Variants in NBEA observed in about 807,000 individuals in gnomAD.
The protein encoded by NBEA is lysosomal-trafficking regulator 2.
Under a neutral mutation model 343.4 loss-of-function variants are expected in NBEA, and 44 were observed. The observed-to-expected ratio is 0.13, with a 90% CI of 0.10 to 0.16. NBEA has a LOEUF of 0.16. Among genes scored for constraint, NBEA ranks in the 10% least tolerant of loss-of-function variants. The probability of loss-of-function intolerance (pLI) is 1.00; values close to 1 mark genes in which losing one functional copy is unlikely to be tolerated. For missense variants in NBEA, 2,555 were observed against 3,631.3 expected (o/e 0.70, Z 7.62); for synonymous variants, 1,175 against 1,238.7 (o/e 0.95, Z 1.08).
At chr13:35,354,243 G>T (rs2152867247) in intron 38 of NBEA, among the ~76,000 whole-genome samples, 1 of 152,224 alleles carries the variant, frequency 6.6e-6, no homozygotes, top group Admixed American at 6.5e-5. Flanking sequence ...CCCATCTACA[G>T]ACCTTGTCTC....
chr13:35,454,155 A>G (rs1376463538), intron 40 of NBEA, among the ~76,000 whole-genome samples: 1 of 152,120 alleles, frequency 6.6e-6, no homozygotes, highest in Admixed American at 6.5e-5. Flanking sequence ...CTACAAATAT[A>G]CTCTGAACCT....
intron 49 of NBEA, among the ~76,000 whole-genome samples, chr13:35,635,138 T>C (rs2083641380): frequency 6.6e-6 from 1 of 152,186 alleles, no homozygotes; most frequent in African/African-American, 2.4e-5. Flanking sequence ...AATGACAACA[T>C]TGAGGACCTC....
chr13:35,032,416 TA>T, intron 1 of NBEA, among the ~76,000 whole-genome samples: 1 of 151,958 alleles, frequency 6.6e-6, no homozygotes, highest in Non-Finnish European at 1.5e-5. Context: ...TTGAGCTTTT[TA>T]TTCATAAGCT....
At chr13:35,411,822 A>G (rs1482617974) in intron 38 of NBEA, among the ~76,000 whole-genome samples, 1 of 151,948 alleles carries the variant, frequency 6.6e-6, no homozygotes, top group African/African-American at 2.4e-5. Flanking sequence ...GTCATCCATC[A>G]ACACCTGTGA....
intron 48 of NBEA, among the ~76,000 whole-genome samples, chr13:35,619,737 G>A (rs2082897665): frequency 2.0e-5 from 3 of 152,300 alleles, no homozygotes; most frequent in Middle Eastern, 6.8e-3. Context: ...AGTCATCACT[G>A]TCAGGTGCAG....
chr13:35,087,584 T>A (rs979429282), intron 10 of NBEA, among the ~76,000 whole-genome samples: 18 of 151,834 alleles, frequency 1.2e-4, no homozygotes, highest in African/African-American at 3.9e-4. Flanking sequence ...TCCAGAGAGA[T>A]TTTTTTCAAT....
At chr13:34,954,215 G>A (rs760219680) in intron 1 of NBEA, among the ~76,000 whole-genome samples, 1 of 152,136 alleles carries the variant, frequency 6.6e-6, no homozygotes, top group Non-Finnish European at 1.5e-5. Flanking sequence ...TGTATACCAG[G>A]AACTTGGGAA....
Position 35,342,277 on chromosome 13 carries a change from C to T in NBEA, c.5904-6831C>T, listed in dbSNP as rs564473931. Among the ~76,000 whole-genome samples, 29 of 152,146 alleles carry T rather than the reference C, an allele frequency of 1.9e-4. No homozygotes were observed. In the East Asian group the frequency reaches 4.9e-3, roughly 25 times the overall value. On this transcript the variant is annotated intron_variant, in intron 36 of 58. Coordinates refer to ENST00000379939, the MANE Select transcript of NBEA (RefSeq NM_001385012.1). Reference sequence around the variant, plus strand: ...AAAAAGGATCTAGACTTATATAGTTCGTGGTTCCACAAGATAGTGAGTATA... The same window carrying T: ...AAAAAGGATCTAGACTTATATAGTTTGTGGTTCCACAAGATAGTGAGTATA...
intron 6 of NBEA, among the ~76,000 whole-genome samples, chr13:35,052,576 T>C (rs1327308284): frequency 2.0e-5 from 3 of 151,936 alleles, no homozygotes; most frequent in Non-Finnish European, 4.4e-5. Context: ...GACTTCAGTA[T>C]ATATACATAA....
At position 35,075,763 on chromosome 13, in the gene NBEA, T is replaced by G. The variant is rs532290211; in HGVS notation, c.1571+4911T>G. ...AATAATTAAGCAGCCCCTTAATAAT[T>G]AAGTATTTCATTCTAATATTCTGAT... On this transcript the variant is annotated intron_variant, in intron 10 of 58. Coordinates refer to ENST00000379939, the MANE Select transcript of NBEA (RefSeq NM_001385012.1). Among the ~76,000 whole-genome samples the G allele has an allele frequency of 1.6e-3, 240 of 152,182 alleles. 2 individuals are homozygous for G. Among genetic ancestry groups the G allele is most frequent in the African/African-American group, 5.1e-3 (213 of 41,554 alleles).
chr13:35,124,135 T>C (rs2066943916), intron 17 of NBEA, among the ~76,000 whole-genome samples: 1 of 151,930 alleles, frequency 6.6e-6, no homozygotes, highest in South Asian at 2.1e-4. Flanking sequence ...TGCTACACTA[T>C]CCAGTGTAGG....
chr13:35,533,680 A>G (rs1257205818), intron 41 of NBEA, among the ~76,000 whole-genome samples: 2 of 152,238 alleles, frequency 1.3e-5, no homozygotes, highest in Admixed American at 6.5e-5. Flanking sequence ...TTTGCTACAT[A>G]AAATTCTAAA....
intron 36 of NBEA, among the ~76,000 whole-genome samples, chr13:35,324,005 T>G (rs2038363244): frequency 6.6e-6 from 1 of 152,190 alleles, no homozygotes; most frequent in African/African-American, 2.4e-5. Flanking sequence ...ATTAGAAAAC[T>G]TTTATTTAAT....
intron 41 of NBEA, among the ~76,000 whole-genome samples, chr13:35,540,424 A>C (rs1056484279): frequency 6.6e-6 from 1 of 152,152 alleles, no homozygotes; most frequent in Non-Finnish European, 1.5e-5. Flanking sequence ...ATCCCTTTGT[A>C]AAATAATAGC....
chr13:35,250,737 A>G (rs1267929188), intron 34 of NBEA, among the ~76,000 whole-genome samples: 1 of 152,228 alleles, frequency 6.6e-6, no homozygotes, highest in Non-Finnish European at 1.5e-5. Context: ...CAGTGACTTT[A>G]CCCAAGACAT....
chr13:35,320,408 A>G (rs1235731183), intron 36 of NBEA, among the ~76,000 whole-genome samples: 1 of 152,184 alleles, frequency 6.6e-6, no homozygotes, highest in Non-Finnish European at 1.5e-5. Context: ...TACTTTAAGA[A>G]TGTTGAATAT....
chr13:35,383,404 T>C (rs1034191480), intron 38 of NBEA, among the ~76,000 whole-genome samples: 1 of 152,130 alleles, frequency 6.6e-6, no homozygotes, highest in Non-Finnish European at 1.5e-5. Context: ...GGAATAGGGA[T>C]TGTTCATGTA....
intron 38 of NBEA, among the ~76,000 whole-genome samples, chr13:35,384,521 CTT>C (rs938208413): frequency 9.2e-5 from 11 of 119,034 alleles, no homozygotes; most frequent in Admixed American, 1.7e-4. Flanking sequence ...CTTGAATAAT[CTT>C]TTTTTTTTTT....
At chr13:35,372,586 T>C (rs2041502362) in intron 38 of NBEA, among the ~76,000 whole-genome samples, 1 of 152,166 alleles carries the variant, frequency 6.6e-6, no homozygotes, top group African/African-American at 2.4e-5. Flanking sequence ...AACTGCACTG[T>C]GGCCTTTCTG....
Sources: allele counts gnomAD v4.1 joint callset (sites outside exome capture counted in the v4.1 genomes callset), GRCh38; gene constraint gnomAD v4.1.1; transcripts MANE v1.5; gene names NCBI Gene and HGNC (gene_info 2026-07-23, HGNC 2026-07-21).